Variants in IQGAP1 observed in about 807,000 individuals in gnomAD.
IQGAP1 encodes IQ motif containing GTPase activating protein 1.
Under a neutral mutation model 215.6 loss-of-function variants are expected in IQGAP1, and 66 were observed. The ratio of observed to expected loss-of-function variants is 0.31; its 90% CI spans 0.25 to 0.38. The LOEUF is 0.38. Among genes scored for constraint, IQGAP1 ranks in the 10% least tolerant of loss-of-function variants. The pLI is 1.00. For missense variants in IQGAP1, 1,712 were observed against 1,997.1 expected, an observed-to-expected ratio of 0.86 and a Z score of 2.72; for synonymous variants, 772 against 728.7, an observed-to-expected ratio of 1.06 and a Z score of -0.96.
At chr15:90,467,706 A>C in intron 18 of IQGAP1, 114 bp downstream of exon 18, 1 of 1,081,986 alleles carries the variant, frequency 9.2e-7, no homozygotes, top group Non-Finnish European at 1.3e-6. Flanking sequence ...AATTGAGGTT[A>C]TGTAATGAGC....
chr15:90,495,856 C>T (rs1966265660), intron 36 of IQGAP1, among the ~76,000 whole-genome samples: 1 of 150,278 alleles, frequency 6.7e-6, no homozygotes, highest in African/African-American at 2.4e-5. Flanking sequence ...CCAGGCTAAT[C>T]TCAAACTCCT....
intron 2 of IQGAP1, chr15:90,397,889 T>TTTTCTTTTTTTTTTTCTTTTTTTTC (rs1555434236): frequency 1.0e-4 from 13 of 126,934 alleles, no homozygotes; most frequent in Admixed American, 7.0e-4. Context: ...TTTTTTTTTC[T>TTTTCTTTTTTTTTTTCTTTTTTTTC]TTTTTTTTTT....
intron 2 of IQGAP1, among the ~76,000 whole-genome samples, chr15:90,422,626 GTATATATA>G (rs4031444): frequency 1.2e-4 from 6 of 48,108 alleles, no homozygotes; most frequent in African/African-American, 7.3e-4. Context: ...ATATATATAT[GTATATATA>G]TATATGTATA....
At position 90,483,406 on chromosome 15, in the gene IQGAP1, G is replaced by A; in HGVS notation, c.3601G>A (p.Val1201Ile). 6.2e-7 allele frequency: 1 copy of A among 1,614,132 alleles called. No individual in the cohort carries two copies. The highest frequency in any genetic ancestry group is 8.5e-7 in the Non-Finnish European group (1 of 1,180,026). Reference protein sequence around the residue: ...LYYRYMNPAIVAPDAFDIIDL... With the variant: ...LYYRYMNPAIIAPDAFDIIDL... ...TTATCGATACATGAATCCAGCCATT[G>A]TTGCTCCTGATGCCTTTGACATCAT... Residue 1201 changes from valine to isoleucine, a missense_variant, in exon 29 of 38, where the codon GTT becomes ATT. By Grantham distance (29) the Val-to-Ile change is conservative (BLOSUM62 3). This residue lies in a region of IQGAP1 where 691 missense variants were observed against 923.0 expected (regional missense o/e 0.75). Transcript: ENST00000268182.
intron 8 of IQGAP1, among the ~76,000 whole-genome samples, chr15:90,442,978 AAGAC>A (rs1380004968): frequency 3.9e-5 from 6 of 152,088 alleles, no homozygotes; most frequent in Middle Eastern, 3.4e-3. Context: ...TCTCAAAAAA[AAGAC>A]AGAATCTCGC....
At chr15:90,417,248 T>C (rs1248246849) in intron 2 of IQGAP1, among the ~76,000 whole-genome samples, 1 of 152,230 alleles carries the variant, frequency 6.6e-6, no homozygotes, top group Non-Finnish European at 1.5e-5. Context: ...TTTGTTGCCA[T>C]TGCTTTTGGT....
chr15:90,492,002 C>T (rs891052657), intron 34 of IQGAP1, among the ~76,000 whole-genome samples: 1 of 152,058 alleles, frequency 6.6e-6, no homozygotes, highest in Non-Finnish European at 1.5e-5. Context: ...TCTTTTTCTC[C>T]CTTTCCCAAC....
intron 2 of IQGAP1, among the ~76,000 whole-genome samples, chr15:90,411,962 G>A (rs1044574155): frequency 2.0e-4 from 31 of 152,106 alleles, no homozygotes; most frequent in African/African-American, 6.7e-4. Flanking sequence ...TTTTTTTAAT[G>A]TACAATTCAA....
chr15:90,414,219 T>C (rs1008563287), intron 2 of IQGAP1, among the ~76,000 whole-genome samples: 2 of 151,750 alleles, frequency 1.3e-5, no homozygotes, highest in African/African-American at 4.8e-5. Flanking sequence ...CTTTGGGAGA[T>C]GGAGAAGGGG....
At chr15:90,473,445 G>A in intron 19 of IQGAP1, 1 of 450,802 alleles carries the variant, frequency 2.2e-6, no homozygotes, top group Admixed American at 3.8e-5. Flanking sequence ...CACCTGGTTT[G>A]TTGTAAGAAG....
intron 2 of IQGAP1, among the ~76,000 whole-genome samples, chr15:90,413,401 T>G (rs186601359): frequency 6.6e-6 from 1 of 152,252 alleles, no homozygotes; most frequent in East Asian, 1.9e-4. Flanking sequence ...AAGAAGGAAC[T>G]CTGCAGAAGA....
At chr15:90,412,872 C>T (rs1214566127) in intron 2 of IQGAP1, among the ~76,000 whole-genome samples, 1 of 152,120 alleles carries the variant, frequency 6.6e-6, no homozygotes, top group Non-Finnish European at 1.5e-5. Flanking sequence ...GTGGTCAGTT[C>T]CGGCATTGGT....
In IQGAP1 at chr15:90,456,323, G is replaced by T. The variant is rs1321105925; in HGVS notation, c.1776+8G>T. ...AAGAGAGAGAAAGCCCAGGTGAGTG[G>T]CATCGGAATTGTTCTTTATGTTCAG... On this transcript the variant is annotated splice_region_variant and intron_variant, in intron 15 of 37. Transcript: ENST00000268182. 5.0e-6 allele frequency: 8 copies of T among 1,613,514 alleles called. No homozygotes were observed. The highest frequency in any genetic ancestry group is 6.8e-6 in the Non-Finnish European group (8 of 1,179,712).
intron 15 of IQGAP1, among the ~76,000 whole-genome samples, chr15:90,463,753 G>C (rs983002998): frequency 6.6e-6 from 1 of 152,094 alleles, no homozygotes; most frequent in Non-Finnish European, 1.5e-5. Context: ...GTGCCTCTTA[G>C]AATTGTAAGG....
chr15:90,440,701 T>C (rs1965436517), intron 7 of IQGAP1, 86 bp downstream of exon 7: 1 of 821,414 alleles, frequency 1.2e-6, no homozygotes, highest in South Asian at 1.7e-5. Context: ...TCTAGGACAT[T>C]ATGAATCTTG....
chr15:90,392,286 TAGA>T (rs1210240007), intron 2 of IQGAP1, among the ~76,000 whole-genome samples: 1 of 152,152 alleles, frequency 6.6e-6, no homozygotes, highest in East Asian at 1.9e-4. Context: ...TTCTAAATAA[TAGA>T]AGATGACATA....
intron 15 of IQGAP1, among the ~76,000 whole-genome samples, chr15:90,456,989 A>AAAT (rs1555439045): frequency 6.1e-5 from 9 of 146,880 alleles, no homozygotes; most frequent in African/African-American, 1.8e-4. Flanking sequence ...CAGAAAAAAA[A>AAAT]ATATATATAT....
intron 2 of IQGAP1, among the ~76,000 whole-genome samples, chr15:90,394,193 T>G (rs1159008640): frequency 2.0e-5 from 3 of 150,678 alleles, no homozygotes; most frequent in Non-Finnish European, 3.0e-5. Context: ...TTCAGGTTTT[T>G]TTTTTTTTTT....
intron 2 of IQGAP1, among the ~76,000 whole-genome samples, chr15:90,418,304 A>G (rs1249389708): frequency 1.3e-5 from 2 of 152,204 alleles, no homozygotes; most frequent in South Asian, 2.1e-4. Context: ...ATTACTATGT[A>G]GGCTGAGCAG....
Sources: allele counts gnomAD v4.1 joint callset (sites outside exome capture counted in the v4.1 genomes callset), GRCh38; gene constraint gnomAD v4.1.1; regional missense constraint gnomAD v4.1.1; transcripts MANE v1.5; gene names NCBI Gene and HGNC (gene_info 2026-07-23, HGNC 2026-07-21).